KLHL5: variants seen among roughly 807,000 people sequenced by gnomAD.
KLHL5 encodes kelch-like protein 5.
Under a neutral mutation model 77.7 loss-of-function variants are expected in KLHL5, and 48 were observed. That is an observed-to-expected ratio of 0.62 (90% confidence interval 0.49 to 0.79). The LOEUF (loss-of-function observed/expected upper bound fraction) is 0.79, where lower values mean the gene tolerates loss of function less well. KLHL5 is among the 30% of genes least tolerant of loss of function. The probability of loss-of-function intolerance (pLI) is 0.00; values close to 1 mark genes in which losing one functional copy is unlikely to be tolerated. For missense variants in KLHL5, 723 were observed against 859.7 expected, an observed-to-expected ratio of 0.84 and a Z score of 1.99; for synonymous variants, 260 against 297.0, an observed-to-expected ratio of 0.88 and a Z score of 1.28.
At chr4:39,113,362 C>G (rs1722599910) in intron 9 of KLHL5, 130 bp downstream of exon 9, 4 of 687,868 alleles carry the variant, frequency 5.8e-6, no homozygotes, top group African/African-American at 5.4e-5. Flanking sequence ...AGCAACTTCA[C>G]TTTATAACAG....
chr4:39,102,231 T>C (rs1721636783), intron 6 of KLHL5, among the ~76,000 whole-genome samples: 1 of 151,724 alleles, frequency 6.6e-6, no homozygotes, highest in Admixed American at 6.6e-5. Flanking sequence ...ACATGATGTA[T>C]TAGAAGCTTA....
At chr4:39,091,528 A>G (rs1441992264) in intron 5 of KLHL5, among the ~76,000 whole-genome samples, 1 of 152,228 alleles carries the variant, frequency 6.6e-6, no homozygotes, top group East Asian at 1.9e-4. Flanking sequence ...AACGTTTTCA[A>G]TGTTTAGCCT....
chr4:39,054,840 C>T (rs530242770), intron 1 of KLHL5, among the ~76,000 whole-genome samples: 1 of 152,348 alleles, frequency 6.6e-6, no homozygotes, highest in African/African-American at 2.4e-5. Context: ...GGTAAGCAGG[C>T]AGCTCCATAG....
chr4:39,119,642 A>G (rs1254998000), intron 10 of KLHL5, among the ~76,000 whole-genome samples: 2 of 152,208 alleles, frequency 1.3e-5, no homozygotes, highest in Non-Finnish European at 2.9e-5. Flanking sequence ...GTTCTGACAG[A>G]TGGACATTTG....
chr4:39,131,142 C>T (rs977442480), downstream of KLHL5, among the ~76,000 whole-genome samples: 14 of 151,782 alleles, frequency 9.2e-5, no homozygotes, highest in Non-Finnish European at 1.9e-4. Context: ...TGTGAGCCAC[C>T]GTGCCCAGCC....
At chr4:39,051,019 C>T (rs1415983284) in intron 1 of KLHL5, among the ~76,000 whole-genome samples, 1 of 152,114 alleles carries the variant, frequency 6.6e-6, no homozygotes, top group African/African-American at 2.4e-5. Flanking sequence ...CCTGGCTTCT[C>T]CTCATGGGTA....
At chr4:39,110,430 T>C (rs1722370578) in intron 8 of KLHL5, among the ~76,000 whole-genome samples, 1 of 152,172 alleles carries the variant, frequency 6.6e-6, no homozygotes, top group African/African-American at 2.4e-5. Flanking sequence ...TTTTCTAAGT[T>C]GAATCTCAAA....
At chr4:39,056,806 C>A (rs1482405247) in intron 1 of KLHL5, among the ~76,000 whole-genome samples, 1 of 152,210 alleles carries the variant, frequency 6.6e-6, no homozygotes, top group African/African-American at 2.4e-5. Flanking sequence ...TAGTGTTCTT[C>A]TTCCAGTCAC....
intron 7 of KLHL5, among the ~76,000 whole-genome samples, chr4:39,107,039 CT>C (rs1196755781): frequency 6.4e-4 from 82 of 127,834 alleles, no homozygotes; most frequent in African/African-American, 2.0e-3. Context: ...GCCTCTAGAA[CT>C]TTTTTTTTTC....
chr4:39,089,110 A>G (rs1720299481), intron 5 of KLHL5, among the ~76,000 whole-genome samples: 1 of 152,232 alleles, frequency 6.6e-6, no homozygotes, highest in Admixed American at 6.5e-5. Flanking sequence ...GTCAAAGCCA[A>G]AAACCAATTA....
At chr4:39,046,119 A>G (rs1716170299) in intron 1 of KLHL5, among the ~76,000 whole-genome samples, 1 of 150,070 alleles carries the variant, frequency 6.7e-6, no homozygotes, top group African/African-American at 2.5e-5. Flanking sequence ...GTTATGACTT[A>G]TGTGAATACT....
chr4:39,102,217 G>C (rs1721634728), intron 6 of KLHL5, among the ~76,000 whole-genome samples: 1 of 151,594 alleles, frequency 6.6e-6, no homozygotes, highest in African/African-American at 2.4e-5. Context: ...GGCTAGCGCG[G>C]CTTACATGAT....
At chr4:39,098,020 G>C (rs1024618387) in intron 6 of KLHL5, among the ~76,000 whole-genome samples, 7 of 151,158 alleles carry the variant, frequency 4.6e-5, no homozygotes, top group Admixed American at 4.6e-4. Flanking sequence ...TGTAGTCCCA[G>C]CTACACGTGG....
rs1286918919 is a variant in KLHL5, at chr4:39,062,925, T to C, written c.273T>C (p.Pro91=). ...CAATGGCATCCACCTCTGAAGTCCC[T>C]GCATTTGAGTTTACAGCAGAAGATT... ...SWPMASTSEV[P]AFEFTAEDCG... Residue 91 remains proline, a synonymous_variant, in exon 1 of 11, where the codon CCT becomes CCC. Coordinates refer to ENST00000504108, the MANE Select transcript of KLHL5 (RefSeq NM_015990.5). The C allele has an allele frequency of 1.2e-6, 2 of 1,614,186 alleles. No individual in the cohort carries two copies. Among genetic ancestry groups the C allele is most frequent in the African/African-American group, 2.7e-5 (2 of 75,046 alleles).
chr4:39,127,431 G>A (rs1475120931), downstream of KLHL5, among the ~76,000 whole-genome samples: 2 of 151,932 alleles, frequency 1.3e-5, no homozygotes, highest in African/African-American at 4.8e-5. Context: ...TAAATTTGGG[G>A]GTTTTTTGTT....
chr4:39,108,372 C>A (rs1722202770), intron 8 of KLHL5, among the ~76,000 whole-genome samples: 2 of 151,830 alleles, frequency 1.3e-5, no homozygotes, highest in Non-Finnish European at 2.9e-5. Context: ...TTGTGGGGTA[C>A]CTTTTGCTCA....
intron 2 of KLHL5, among the ~76,000 whole-genome samples, chr4:39,078,041 A>G (rs1270560471): frequency 3.3e-5 from 5 of 152,276 alleles, no homozygotes; most frequent in Admixed American, 2.0e-4. Context: ...ACCAAACATC[A>G]TATGTTCTCT....
intron 10 of KLHL5, among the ~76,000 whole-genome samples, chr4:39,119,653 T>C (rs1165395037): frequency 1.3e-5 from 2 of 152,174 alleles, no homozygotes; most frequent in Non-Finnish European, 2.9e-5. Flanking sequence ...TGGACATTTG[T>C]ATAGGCACTA....
chr4:39,045,801 G>A (rs1716136487), intron 1 of KLHL5, among the ~76,000 whole-genome samples: 1 of 150,680 alleles, frequency 6.6e-6, no homozygotes, highest in Admixed American at 6.6e-5. Flanking sequence ...AGGTACAAAA[G>A]GGGCAGACAG....
Sources: allele counts gnomAD v4.1 joint callset (sites outside exome capture counted in the v4.1 genomes callset), GRCh38; gene constraint gnomAD v4.1.1; transcripts MANE v1.5; gene names NCBI Gene and HGNC (gene_info 2026-07-23, HGNC 2026-07-21).